EPHA3: variants seen among roughly 807,000 people sequenced by gnomAD.
EPHA3 encodes the protein EPH receptor A3, also known as ephrin type-A receptor 3.
A neutral mutation model predicts 107.1 loss-of-function variants in EPHA3; 42 were observed. The observed-to-expected ratio is 0.39, with a 90% CI of 0.31 to 0.51. EPHA3 has a LOEUF of 0.51. Ranked by LOEUF, EPHA3 falls within the 20% of genes least tolerant of loss-of-function variation. The pLI is 0.78. For missense variants in EPHA3, 1,183 were observed against 1,211.2 expected (o/e 0.98, Z 0.35); for synonymous variants, 461 against 424.8 (o/e 1.09, Z -1.05).
At chr3:89,140,064 C>G (rs1202450141) in intron 2 of EPHA3, among the ~76,000 whole-genome samples, 1 of 151,774 alleles carries the variant, frequency 6.6e-6, no homozygotes, top group Non-Finnish European at 1.5e-5. Context: ...TTTCCATTCT[C>G]GTGAATGTGT....
At chr3:89,214,029 A>C (rs1220875621) in intron 3 of EPHA3, among the ~76,000 whole-genome samples, 1 of 152,042 alleles carries the variant, frequency 6.6e-6, no homozygotes, top group Non-Finnish European at 1.5e-5. Flanking sequence ...ATAGCTTTAT[A>C]ATAGCTATCA....
intron 15 of EPHA3, among the ~76,000 whole-genome samples, chr3:89,460,338 T>A (rs558335596): frequency 1.4e-5 from 2 of 147,522 alleles, no homozygotes; most frequent in African/African-American, 4.9e-5. Flanking sequence ...AGGTTTTAAA[T>A]GGAAGGCAAC....
intron 3 of EPHA3, among the ~76,000 whole-genome samples, chr3:89,279,106 A>T (rs1576285209): frequency 1.3e-5 from 2 of 152,252 alleles, no homozygotes; most frequent in South Asian, 4.1e-4. Flanking sequence ...TTAAATTTAA[A>T]ATTGTTTTGC....
intron 1 of EPHA3, among the ~76,000 whole-genome samples, chr3:89,110,522 G>A (rs547542210): frequency 1.3e-5 from 2 of 151,668 alleles, no homozygotes; most frequent in Non-Finnish European, 3.0e-5. Context: ...GTGATAATAG[G>A]GACTCATCAA....
At chr3:89,265,783 G>C (rs534663948) in intron 3 of EPHA3, among the ~76,000 whole-genome samples, 4 of 152,050 alleles carry the variant, frequency 2.6e-5, no homozygotes, top group Non-Finnish European at 4.4e-5. Flanking sequence ...CTCGGTAACT[G>C]TCAAGTCCTG....
intron 7 of EPHA3, chr3:89,399,993 C>T: frequency 2.9e-6 from 3 of 1,043,108 alleles, no homozygotes; most frequent in Non-Finnish European, 3.5e-6. Flanking sequence ...GTTCCTTTAA[C>T]CCCAAATTTG....
Position 89,408,130 on chromosome 3 carries a change from T to C in EPHA3, c.1761T>C (p.His587=). The C allele has an allele frequency of 3.7e-6, 6 of 1,612,680 alleles. No homozygotes were observed. Among genetic ancestry groups the C allele is most frequent in the Non-Finnish European group, 5.1e-6 (6 of 1,178,938 alleles). ...DEKRLHFGNG[H]LKLPGLRTYV... is the part of the protein sequence containing the mutation. ...AAAGACTTCATTTTGGCAATGGGCA[T>C]TGTAAGTTTCTAAACTTGGCTTTTT... Residue 587 remains histidine, a splice_region_variant and synonymous_variant, in exon 9 of 17, where the codon CAT becomes CAC. Transcript: ENST00000336596.
intron 5 of EPHA3, among the ~76,000 whole-genome samples, chr3:89,364,758 C>T (rs75082823): frequency 0.02 from 2,973 of 151,102 alleles, 111 homozygotes; most frequent in African/African-American, 0.065. Flanking sequence ...GTTAAACCTG[C>T]TGAAGAGTAA....
rs546482755 is a variant in EPHA3, at chr3:89,153,200, C to T, written c.153+25927C>T. Among the ~76,000 whole-genome samples the T allele has an allele frequency of 4.6e-5, 7 of 152,128 alleles. No homozygotes were observed. The South Asian group carries it at 1.0e-3, about 23-fold the overall frequency. The stretch of plus-strand genomic sequence containing the variant: ...AAGGCACTTAAATCTAGAATTTCAG[C>T]TTCATCTTGAAGCAGGTAAATGAGT... On this transcript the variant is annotated intron_variant, in intron 2 of 16. Coordinates refer to ENST00000336596, the MANE Select transcript of EPHA3 (RefSeq NM_005233.6).
At chr3:89,419,751 C>A (rs1436817678) in intron 11 of EPHA3, among the ~76,000 whole-genome samples, 1 of 151,366 alleles carries the variant, frequency 6.6e-6, no homozygotes, top group East Asian at 1.9e-4. Context: ...CAGCTAGCTG[C>A]CTTTTCTTTT....
chr3:89,183,944 A>T (rs1484106064), intron 2 of EPHA3, among the ~76,000 whole-genome samples: 1 of 152,016 alleles, frequency 6.6e-6, no homozygotes, highest in Non-Finnish European at 1.5e-5. Context: ...CATTTAAATC[A>T]TATTACTATA....
chr3:89,173,099 A>T (rs1361444261), intron 2 of EPHA3, among the ~76,000 whole-genome samples: 1 of 152,296 alleles, frequency 6.6e-6, no homozygotes, highest in Non-Finnish European at 1.5e-5. Context: ...ATATAAATGT[A>T]TCCACCAAAA....
chr3:89,152,789 G>C (rs760092522), intron 2 of EPHA3, among the ~76,000 whole-genome samples: 2 of 152,032 alleles, frequency 1.3e-5, no homozygotes, highest in Non-Finnish European at 2.9e-5. Context: ...GTTTCTAAAT[G>C]AACGAAGAAA....
intron 4 of EPHA3, 97 bp downstream of exon 4, chr3:89,341,168 C>T (rs1707512792): frequency 7.8e-7 from 1 of 1,283,552 alleles, no homozygotes. Flanking sequence ...TGGCCCATTT[C>T]CTTCTGTTGC....
chr3:89,125,622 C>T (rs1704076629), intron 1 of EPHA3, among the ~76,000 whole-genome samples: 2 of 151,552 alleles, frequency 1.3e-5, no homozygotes, highest in Non-Finnish European at 3.0e-5. Context: ...AATTTAAATA[C>T]AATTACTTCT....
At chr3:89,359,630 C>G (rs1355830623) in intron 5 of EPHA3, among the ~76,000 whole-genome samples, 2 of 149,272 alleles carry the variant, frequency 1.3e-5, no homozygotes, top group Non-Finnish European at 3.0e-5. Context: ...CCTCTACTAT[C>G]AGTAGCCATT....
At chr3:89,335,275 G>A (rs1411629227) in intron 3 of EPHA3, among the ~76,000 whole-genome samples, 1 of 152,116 alleles carries the variant, frequency 6.6e-6, no homozygotes, top group Non-Finnish European at 1.5e-5. Flanking sequence ...GGTGACACCT[G>A]CTAGCTGGGT....
chr3:89,252,042 T>C (rs2107264668), intron 3 of EPHA3, among the ~76,000 whole-genome samples: 1 of 152,282 alleles, frequency 6.6e-6, no homozygotes, highest in African/African-American at 2.4e-5. Flanking sequence ...CGAGTCTTAG[T>C]TTCTATAGAT....
rs114185518 is a variant in EPHA3 at position 89,261,162 on chromosome 3, C to T, written c.814+50642C>T. 6.4e-3 allele frequency among the ~76,000 whole-genome samples: 975 copies of T among 152,290 alleles called. 11 individuals are homozygous for T. Among genetic ancestry groups the T allele is most frequent in the African/African-American group, 0.023 (944 of 41,558 alleles). Reference sequence around the variant, plus strand: ...AGTCTTCAAGAGGCTGTAAGGACTTCCTTGTTTGAAAATCTGCTAAAAATT... The same window carrying T: ...AGTCTTCAAGAGGCTGTAAGGACTTTCTTGTTTGAAAATCTGCTAAAAATT... On this transcript the variant is annotated intron_variant, in intron 3 of 16. Coordinates refer to ENST00000336596, the MANE Select transcript of EPHA3 (RefSeq NM_005233.6).
Sources: gnomAD v4.1 joint callset for allele counts (sites outside exome capture counted in the v4.1 genomes callset) on GRCh38, gnomAD v4.1.1 for gene constraint, MANE v1.5 for transcripts, NCBI Gene and HGNC (gene_info 2026-07-23, HGNC 2026-07-21) for gene names.